ITPR2: variants seen among roughly 807,000 people sequenced by gnomAD.
ITPR2 encodes the protein inositol 1,4,5-trisphosphate receptor type 2.
ITPR2 carries 207 observed loss-of-function variants against 317.1 expected under a neutral mutation model. The observed-to-expected ratio is 0.65, with a 90% CI of 0.58 to 0.73. The LOEUF is 0.73. Among genes scored for constraint, ITPR2 ranks in the 30% least tolerant of loss-of-function variants. The pLI is 0.00. For synonymous variants in ITPR2, 1,156 were observed against 1,149.1 expected, an observed-to-expected ratio of 1.01 and a Z score of -0.12; for missense variants, 2,613 against 3,284.0, an observed-to-expected ratio of 0.80 and a Z score of 4.99.
intron 37 of ITPR2, among the ~76,000 whole-genome samples, chr12:26,500,035 C>A (rs1943034862): frequency 1.3e-5 from 2 of 152,264 alleles, no homozygotes. Flanking sequence ...TAGTAATCTT[C>A]ATTTAAGAAT....
At position 26,387,386 on chromosome 12, in the gene ITPR2, C is replaced by T. The variant is rs750691556; in HGVS notation, c.7857+48G>A. 3.8e-6 allele frequency: 6 copies of T among 1,562,742 alleles called. No individual in the cohort carries two copies. The African/African-American group carries it at 5.4e-5, about 14-fold the overall frequency. On this transcript the variant is annotated intron_variant, in intron 55 of 56. Coordinates refer to ENST00000381340, the MANE Select transcript of ITPR2 (RefSeq NM_002223.4). Reference sequence around the variant, plus strand: ...GATGGTAGGGTAGAGAAGATGAAAGCCTAAAAGATACAATATAGTCACAAA... The same window carrying T: ...GATGGTAGGGTAGAGAAGATGAAAGTCTAAAAGATACAATATAGTCACAAA...
At chr12:26,461,502 G>T (rs536691587) in intron 45 of ITPR2, among the ~76,000 whole-genome samples, 3 of 151,726 alleles carry the variant, frequency 2.0e-5, no homozygotes, top group Non-Finnish European at 4.4e-5. Context: ...AACAGAGACA[G>T]TATAACCTGA....
chr12:26,437,803 T>G (rs971553144), intron 47 of ITPR2, among the ~76,000 whole-genome samples: 3 of 152,176 alleles, frequency 2.0e-5, no homozygotes, highest in African/African-American at 7.2e-5. Context: ...TTTTGGTTTT[T>G]GTTTGTTTGT....
intron 13 of ITPR2, among the ~76,000 whole-genome samples, chr12:26,674,252 A>G (rs999195440): frequency 5.9e-5 from 9 of 151,982 alleles, no homozygotes; most frequent in Non-Finnish European, 1.3e-4. Context: ...ATCCTAAGCC[A>G]AAAGAACAAA....
At chr12:26,630,358 G>A (rs1946719092) in intron 22 of ITPR2, among the ~76,000 whole-genome samples, 2 of 149,894 alleles carry the variant, frequency 1.3e-5, no homozygotes, top group Non-Finnish European at 3.0e-5. Flanking sequence ...CAGAGAAAAA[G>A]AATTAAGAGA....
At chr12:26,726,708 T>C (rs1948931585) in intron 2 of ITPR2, among the ~76,000 whole-genome samples, 1 of 152,226 alleles carries the variant, frequency 6.6e-6, no homozygotes, top group Non-Finnish European at 1.5e-5. Flanking sequence ...ATATCCACTT[T>C]AGCCACATTA....
chr12:26,566,333 G>C (rs535925199), intron 34 of ITPR2, among the ~76,000 whole-genome samples: 13 of 140,806 alleles, frequency 9.2e-5, no homozygotes, highest in Non-Finnish European at 1.7e-4. Context: ...AGGAGAGGGA[G>C]AGGAGAAGGA....
intron 45 of ITPR2, among the ~76,000 whole-genome samples, chr12:26,444,815 G>A (rs893016754): frequency 2.0e-5 from 3 of 152,084 alleles, no homozygotes; most frequent in Non-Finnish European, 2.9e-5. Flanking sequence ...TAAGTTAAAT[G>A]TTCATTACAT....
intron 21 of ITPR2, among the ~76,000 whole-genome samples, chr12:26,640,312 A>G (rs1487105784): frequency 6.6e-6 from 1 of 152,146 alleles, no homozygotes; most frequent in African/African-American, 2.4e-5. Flanking sequence ...ACCATGGCAC[A>G]TGTTTACCTA....
chr12:26,594,824 C>G (rs1945800883), intron 32 of ITPR2, among the ~76,000 whole-genome samples: 1 of 152,068 alleles, frequency 6.6e-6, no homozygotes, highest in African/African-American at 2.4e-5. Context: ...TTCACTCATT[C>G]ATTTACTCAA....
intron 45 of ITPR2, among the ~76,000 whole-genome samples, chr12:26,452,287 G>A (rs1941760568): frequency 6.6e-6 from 1 of 151,524 alleles, no homozygotes; most frequent in African/African-American, 2.4e-5. Flanking sequence ...AGAATGAAGT[G>A]TTTTTAAAGA....
intron 36 of ITPR2, among the ~76,000 whole-genome samples, chr12:26,552,404 G>A (rs1944548933): frequency 6.6e-6 from 1 of 152,050 alleles, no homozygotes; most frequent in South Asian, 2.1e-4. Context: ...GGCCCAGGCT[G>A]GTTTCAAACT....
chr12:26,751,540 A>G (rs1949417993), intron 2 of ITPR2, among the ~76,000 whole-genome samples: 1 of 152,128 alleles, frequency 6.6e-6, no homozygotes, highest in Admixed American at 6.6e-5. Flanking sequence ...AACTCAAATC[A>G]TCTGTGCTTG....
chr12:26,657,562 A>C, intron 18 of ITPR2, 145 bp downstream of exon 18: 2 of 633,878 alleles, frequency 3.2e-6, no homozygotes, highest in East Asian at 5.2e-5. Context: ...TATTTTAAAC[A>C]ATACTAAATA....
intron 37 of ITPR2, among the ~76,000 whole-genome samples, chr12:26,517,755 T>C (rs1943563305): frequency 1.3e-5 from 2 of 152,154 alleles, no homozygotes. Flanking sequence ...GGAGAATCAC[T>C]TGAACCCAGG....
At chr12:26,627,837 G>T (rs1946655418) in intron 23 of ITPR2, among the ~76,000 whole-genome samples, 196 bp downstream of exon 23, 2 of 151,540 alleles carry the variant, frequency 1.3e-5, no homozygotes, top group South Asian at 4.2e-4. Context: ...CGGGTTGATG[G>T]GTGCAGCAAA....
At chr12:26,755,359 G>T (rs77229197) in intron 2 of ITPR2, among the ~76,000 whole-genome samples, 163 of 152,216 alleles carry the variant, frequency 1.1e-3, no homozygotes, top group African/African-American at 3.9e-3. Flanking sequence ...CAGAAAAAAA[G>T]GGAAAAACTT....
chr12:26,756,798 G>A (rs112971806), intron 2 of ITPR2, among the ~76,000 whole-genome samples: 2,191 of 152,274 alleles, frequency 0.014, 55 homozygotes, highest in African/African-American at 0.05. Flanking sequence ...AATGTCAGAG[G>A]TGTTTAAACC....
intron 36 of ITPR2, among the ~76,000 whole-genome samples, chr12:26,554,639 T>G (rs968691722): frequency 6.6e-6 from 1 of 152,208 alleles, no homozygotes. Context: ...CTGTCACATC[T>G]CGGGGATATA....
Sources: gnomAD v4.1 joint callset for allele counts (sites outside exome capture counted in the v4.1 genomes callset) on GRCh38, gnomAD v4.1.1 for gene constraint, MANE v1.5 for transcripts, NCBI Gene and HGNC (gene_info 2026-07-23, HGNC 2026-07-21) for gene names.